The following GLCCI1 variants were observed in gnomAD, a reference collection of about 807,000 sequenced individuals.
GLCCI1 encodes glucocorticoid induced 1.
GLCCI1 carries 24 observed loss-of-function variants against 52.2 expected under a neutral mutation model. The ratio of observed to expected loss-of-function variants is 0.46; its 90% CI spans 0.33 to 0.65. The LOEUF (loss-of-function observed/expected upper bound fraction) is 0.65, where lower values mean the gene tolerates loss of function less well. Among genes scored for constraint, GLCCI1 ranks in the 30% least tolerant of loss-of-function variants. GLCCI1 has a pLI of 0.02. For missense variants in GLCCI1, 704 were observed against 701.5 expected, an observed-to-expected ratio of 1.00 and a Z score of -0.04; for synonymous variants, 310 against 276.5, an observed-to-expected ratio of 1.12 and a Z score of -1.20.
chr7:8,035,810 G>C (rs1781854758), intron 3 of GLCCI1, among the ~76,000 whole-genome samples: 1 of 152,208 alleles, frequency 6.6e-6, no homozygotes, highest in Non-Finnish European at 1.5e-5. Flanking sequence ...GCCTAGGTAT[G>C]GAGCTGAGGC....
chr7:8,031,132 C>T (rs954956923), intron 3 of GLCCI1, among the ~76,000 whole-genome samples: 14 of 152,140 alleles, frequency 9.2e-5, no homozygotes, highest in Non-Finnish European at 1.9e-4. Context: ...GATTTGGAAG[C>T]AGCCTAAGTG....
At chr7:7,980,750 T>C (rs1227584073) in intron 1 of GLCCI1, 10 of 687,142 alleles carry the variant, frequency 1.5e-5, no homozygotes, top group South Asian at 4.9e-5. Context: ...CTAGATTACC[T>C]TGATGGTACC....
At chr7:7,981,274 TTCTTTCTTTCTC>T (rs1244622524) in intron 1 of GLCCI1, 3 of 249,446 alleles carry the variant, frequency 1.2e-5, no homozygotes, top group African/African-American at 7.1e-5. Flanking sequence ...TTTTCTTTCT[TTCTTTCTTTCTC>T]TCTCCCTCTT....
chr7:7,988,634 A>G (rs1780783723), intron 1 of GLCCI1, among the ~76,000 whole-genome samples: 1 of 152,116 alleles, frequency 6.6e-6, no homozygotes, highest in Admixed American at 6.5e-5. Context: ...TGTGGAGAGT[A>G]AGGTAGGTGA....
At chr7:8,000,823 G>T (rs550274709) in intron 1 of GLCCI1, among the ~76,000 whole-genome samples, 5 of 152,192 alleles carry the variant, frequency 3.3e-5, no homozygotes, top group Non-Finnish European at 7.4e-5. Context: ...GATCTTTGTT[G>T]GTTTAAAGTC....
At chr7:8,036,289 A>G (rs1009561615) in intron 3 of GLCCI1, among the ~76,000 whole-genome samples, 1 of 152,202 alleles carries the variant, frequency 6.6e-6, no homozygotes, top group African/African-American at 2.4e-5. Context: ...CACACAAAGC[A>G]TGTCTGAAAC....
At position 8,006,501 on chromosome 7, in the gene GLCCI1, T is replaced by C. The variant is rs989654351; in HGVS notation, c.609+2442T>C. Reference sequence around the variant, plus strand: ...TACTGTGTGATTAAGTATGATAATATTGAAGGTAAATTTGGCAAATACTAT... The same window carrying C: ...TACTGTGTGATTAAGTATGATAATACTGAAGGTAAATTTGGCAAATACTAT... On this transcript the variant is annotated intron_variant, in intron 2 of 7. Coordinates refer to ENST00000223145, the MANE Select transcript of GLCCI1 (RefSeq NM_138426.4). Among the ~76,000 whole-genome samples, 12 of 152,208 alleles carry C rather than the reference T, an allele frequency of 7.9e-5. No individual in the cohort carries two copies. The South Asian group carries it at 1.4e-3, about 18-fold the overall frequency.
At chr7:8,012,584 A>G (rs1781289761) in intron 2 of GLCCI1, among the ~76,000 whole-genome samples, 1 of 151,040 alleles carries the variant, frequency 6.6e-6, no homozygotes. Context: ...AGCTGGGACT[A>G]CAGGCGCCTG....
intron 2 of GLCCI1, among the ~76,000 whole-genome samples, chr7:8,021,419 A>T (rs531058965): frequency 8.7e-4 from 130 of 150,240 alleles, no homozygotes; most frequent in African/African-American, 2.1e-3. Context: ...TTTAATTATT[A>T]TTTTTTTTTT....
chr7:8,042,909 C>T (rs1003970848), intron 3 of GLCCI1, among the ~76,000 whole-genome samples: 8 of 152,156 alleles, frequency 5.3e-5, no homozygotes, highest in Admixed American at 3.9e-4. Context: ...CAAACAGCAT[C>T]ACATGCTACA....
chr7:8,038,209 A>G (rs1051977878), intron 3 of GLCCI1, among the ~76,000 whole-genome samples: 4 of 152,200 alleles, frequency 2.6e-5, no homozygotes, highest in Admixed American at 2.0e-4. Flanking sequence ...ATTGCCACCT[A>G]CATATTCAGT....
intron 5 of GLCCI1, among the ~76,000 whole-genome samples, chr7:8,064,293 A>G (rs1302409015): frequency 6.6e-6 from 1 of 152,170 alleles, no homozygotes; most frequent in South Asian, 2.1e-4. Flanking sequence ...GGTGTGAGGA[A>G]GGTATCCAGT....
intron 1 of GLCCI1, among the ~76,000 whole-genome samples, chr7:7,987,390 A>G (rs1422270041): frequency 1.3e-5 from 2 of 152,156 alleles, no homozygotes; most frequent in Admixed American, 6.5e-5. Context: ...AAAGCACTGT[A>G]TTTACACCTT....
intron 2 of GLCCI1, among the ~76,000 whole-genome samples, chr7:8,013,481 A>G (rs1781311838): frequency 6.6e-6 from 1 of 152,088 alleles, no homozygotes; most frequent in Non-Finnish European, 1.5e-5. Flanking sequence ...TGTATTGCTT[A>G]GTAATTCATT....
intron 3 of GLCCI1, among the ~76,000 whole-genome samples, chr7:8,036,976 A>C (rs943332299): frequency 2.0e-5 from 3 of 152,222 alleles, no homozygotes; most frequent in African/African-American, 7.2e-5. Context: ...TGGAAAACCT[A>C]TGTGAGGAGA....
rs1278060681 is a variant in GLCCI1, at chr7:7,969,655, G to A, written c.305G>A (p.Arg102His). The change falls in exon 1 of 8, where the codon CGC (arginine) becomes CAC (histidine). Residue 102 changes from arginine to histidine, a missense_variant. By Grantham distance (29) the Arg-to-His change is conservative. Around this residue, in one of 3 missense-constraint regions of GLCCI1, gnomAD observed 547 missense variants for 524.8 expected, o/e 1.04. Coordinates refer to ENST00000223145, the MANE Select transcript of GLCCI1 (RefSeq NM_138426.4). The surrounding 1 kb of genome is among the most constrained non-coding windows in gnomAD (Gnocchi z 4.9). The part of the protein sequence containing the change: ...LGSLPGPGAA[R>H]GPSPSSPTPP... ...AGCCTCCCGGGGCCCGGCGCGGCCC[G>A]CGGCCCCAGCCCGTCCAGCCCGACG... 2.0e-6 allele frequency: 2 copies of A among 1,013,622 alleles called. No homozygotes were observed. The highest frequency in any genetic ancestry group is 1.8e-5 in the African/African-American group (1 of 57,052). The allele number at this position is 1,013,622 out of a possible 1,614,324, so 62.8% of individuals were successfully genotyped here.
intron 2 of GLCCI1, among the ~76,000 whole-genome samples, chr7:8,010,507 G>T (rs1210546185): frequency 2.0e-5 from 3 of 152,132 alleles, no homozygotes; most frequent in African/African-American, 7.2e-5. Context: ...TTGCAGGGAT[G>T]CTTAGTGATA....
chr7:8,061,810 G>C (rs1462272553), intron 5 of GLCCI1, among the ~76,000 whole-genome samples: 1 of 151,748 alleles, frequency 6.6e-6, no homozygotes, highest in Admixed American at 6.6e-5. Flanking sequence ...GGGATTACAG[G>C]CACACACCAC....
rs575895636 is a variant in GLCCI1, at chr7:8,087,846, A to C, written c.*1308A>C. On this transcript the variant is annotated 3_prime_UTR_variant, in exon 8 of 8. Coordinates refer to ENST00000223145, the MANE Select transcript of GLCCI1 (RefSeq NM_138426.4). ...TTGCAACCTGTGAGGTAGAGCATAAACTCAAGAAAATAGCCTTGAACTTGC... is the reference window on the plus strand; with the variant it reads ...TTGCAACCTGTGAGGTAGAGCATAACCTCAAGAAAATAGCCTTGAACTTGC... The C allele has an allele frequency of 3.9e-5, 6 of 152,710 alleles. No individual in the cohort carries two copies. The highest frequency in any genetic ancestry group is 8.8e-5 in the Non-Finnish European group (6 of 68,004). The allele number at this position is 152,710 out of a possible 1,614,324, so 9.5% of individuals were successfully genotyped here. A position where few individuals can be genotyped will look rare whatever the true frequency, so the allele number is the denominator to read the frequency against.
Sources: gnomAD v4.1 joint callset for allele counts (sites outside exome capture counted in the v4.1 genomes callset) on GRCh38, gnomAD v4.1.1 for gene constraint, gnomAD v4.1.1 regional missense constraint, Gnocchi (gnomAD v3.1) non-coding constraint, MANE v1.5 for transcripts, NCBI Gene and HGNC (gene_info 2026-07-23, HGNC 2026-07-21) for gene names.